SMAD2: variants seen among roughly 807,000 people sequenced by gnomAD.
SMAD2 encodes MAD homolog 2.
Under a neutral mutation model 64.4 loss-of-function variants are expected in SMAD2, and 8 were observed. That is an observed-to-expected ratio of 0.12 (90% CI 0.07 to 0.22). The LOEUF (loss-of-function observed/expected upper bound fraction) is 0.22. Ranked by LOEUF, SMAD2 falls within the 10% of genes least tolerant of loss-of-function variation. The pLI, the probability that SMAD2 is intolerant of heterozygous loss-of-function variation, is 1.00. For synonymous variants in SMAD2, 203 were observed against 195.8 expected (o/e 1.04, Z -0.31); for missense variants, 289 against 561.2 (o/e 0.51, Z 4.90).
At chr18:47,911,132 A>AGG (rs2034115523) in intron 1 of SMAD2, among the ~76,000 whole-genome samples, 1 of 151,946 alleles carries the variant, frequency 6.6e-6, no homozygotes, top group Non-Finnish European at 1.5e-5. Flanking sequence ...CGGTTGGATC[A>AGG]CGAGGTCAGG....
At chr18:47,902,547 G>C (rs2033726296) in intron 1 of SMAD2, among the ~76,000 whole-genome samples, 1 of 152,178 alleles carries the variant, frequency 6.6e-6, no homozygotes, top group Non-Finnish European at 1.5e-5. Flanking sequence ...GGAAAAAATA[G>C]AGAAACGTAG....
At chr18:47,910,428 A>G (rs911385429) in intron 1 of SMAD2, among the ~76,000 whole-genome samples, 1 of 152,250 alleles carries the variant, frequency 6.6e-6, no homozygotes, top group African/African-American at 2.4e-5. Flanking sequence ...GACTTCTTTT[A>G]TAACACAGAT....
chr18:47,871,916 A>G (rs1241002417), intron 2 of SMAD2, among the ~76,000 whole-genome samples: 2 of 152,200 alleles, frequency 1.3e-5, no homozygotes, highest in African/African-American at 2.4e-5. Flanking sequence ...ACAGGAGACT[A>G]TTCTTTGAAA....
intron 1 of SMAD2, among the ~76,000 whole-genome samples, chr18:47,901,066 A>C (rs2033664192): frequency 6.6e-6 from 1 of 152,202 alleles, no homozygotes; most frequent in South Asian, 2.1e-4. Context: ...TCTACATATG[A>C]CAATTAGATC....
chr18:47,926,197 T>G (rs1308687241), intron 1 of SMAD2, among the ~76,000 whole-genome samples: 1 of 152,206 alleles, frequency 6.6e-6, no homozygotes, highest in African/African-American at 2.4e-5. Flanking sequence ...TACTGTGATC[T>G]TTCATGAAAT....
chr18:47,917,450 T>C (rs2034380512), intron 1 of SMAD2, among the ~76,000 whole-genome samples: 1 of 152,200 alleles, frequency 6.6e-6, no homozygotes, highest in Admixed American at 6.5e-5. Flanking sequence ...TAATCTGAGA[T>C]TACATATTGG....
intron 1 of SMAD2, among the ~76,000 whole-genome samples, chr18:47,908,933 TG>T (rs1222888908): frequency 9.2e-5 from 14 of 152,334 alleles, no homozygotes; most frequent in Non-Finnish European, 5.9e-5. Flanking sequence ...ATGCTGACAG[TG>T]CTCCCAAGAA....
At chr18:47,869,491 A>G in intron 3 of SMAD2, 55 bp from the exon 4 acceptor site, 2 of 1,159,446 alleles carry the variant, frequency 1.7e-6, no homozygotes, top group Middle Eastern at 2.0e-4. Flanking sequence ...AAAAAAAAAA[A>G]AGTGCAGTCA....
At chr18:47,891,827 GAATTA>G (rs2033209319) in intron 2 of SMAD2, among the ~76,000 whole-genome samples, 1 of 151,808 alleles carries the variant, frequency 6.6e-6, no homozygotes, top group Admixed American at 6.6e-5. Context: ...AAATAGACAC[GAATTA>G]AATTGCCCAA....
At chr18:47,849,824 A>G (rs1288983491) in intron 7 of SMAD2, among the ~76,000 whole-genome samples, 1 of 151,938 alleles carries the variant, frequency 6.6e-6, no homozygotes, top group African/African-American at 2.4e-5. Context: ...CCTGGGCAAC[A>G]TAGTGAAACC....
At chr18:47,869,173 A>G in intron 4 of SMAD2, 70 bp downstream of exon 4, 1 of 1,126,606 alleles carries the variant, frequency 8.9e-7, no homozygotes, top group East Asian at 2.4e-5. Context: ...CTGGGTCACA[A>G]GAGTACTTAA....
rs1192093328 is a variant in SMAD2 at position 47,811,802 on chromosome 18, GA to G, written c.*30024del. ...CTCAGGAAAAGATGGCATCACAAGAGAATCAACCAACCTAGATCTTCTGAGC... is the reference window on the plus strand; with the variant it reads ...CTCAGGAAAAGATGGCATCACAAGAGATCAACCAACCTAGATCTTCTGAGC... On this transcript the variant is annotated 3_prime_UTR_variant, in exon 11 of 11. Transcript: ENST00000262160. 6.6e-6 allele frequency: 1 copy of G among 152,168 alleles called. No individual in the cohort carries two copies. The highest frequency in any genetic ancestry group is 2.4e-5 in the African/African-American group (1 of 41,424). 9.4% of individuals were successfully genotyped at this position (152,168 alleles called of 1,614,324 possible). A position where few individuals can be genotyped will look rare whatever the true frequency, so the allele number is the denominator to read the frequency against.
In SMAD2 at chr18:47,869,255, C is replaced by T. The variant is rs2144377558; in HGVS notation, c.508G>A (p.Val170Ile). 6.2e-7 allele frequency: 1 copy of T among 1,612,996 alleles called. No homozygotes were observed. The highest frequency in any genetic ancestry group is 1.1e-5 in the South Asian group (1 of 91,022). ...GCAATATTCCTACCTGGTGTCTCAA[C>T]TCTCTGATAGTGGTAAGGGTTTACA... ...VCVNPYHYQR[V>I]ETPVLPPVLV... The change falls in exon 4 of 11, where the codon GTT (valine) becomes ATT (isoleucine). Residue 170 changes from valine (V) to isoleucine (I), a missense_variant. Val to Ile is a conservative substitution (Grantham distance 29). Transcript: ENST00000262160.
intron 1 of SMAD2, among the ~76,000 whole-genome samples, chr18:47,907,186 G>GA (rs777431903): frequency 6.6e-6 from 1 of 152,046 alleles, no homozygotes; most frequent in Non-Finnish European, 1.5e-5. Flanking sequence ...ACACATTCAG[G>GA]AAAAATAAAT....
At chr18:47,899,526 T>C (rs1184958348) in intron 1 of SMAD2, among the ~76,000 whole-genome samples, 2 of 152,176 alleles carry the variant, frequency 1.3e-5, no homozygotes, top group African/African-American at 4.8e-5. Flanking sequence ...AACACAACTT[T>C]TAAGTGCCAA....
rs1218021084 is a variant in SMAD2 at position 47,814,486 on chromosome 18, A to AT, written c.*27340dup. On this transcript the variant is annotated 3_prime_UTR_variant, in exon 11 of 11. Coordinates refer to ENST00000262160, the MANE Select transcript of SMAD2 (RefSeq NM_005901.6). ...ATGGATAAGAGAAACTGAGAATACG[A>AT]TGTGAGAAGAGTCTCTTCATTAGGC... The AT allele has an allele frequency of 6.6e-6, 1 of 152,220 alleles. No individual in the cohort carries two copies. The highest frequency in any genetic ancestry group is 1.5e-5 in the Non-Finnish European group (1 of 68,048). The allele number at this position is 152,220 out of a possible 1,614,324, so 9.4% of individuals were successfully genotyped here.
chr18:47,848,716 A>C (rs1598752116), intron 7 of SMAD2, 29 bp from the exon 8 acceptor site: 1 of 1,481,410 alleles, frequency 6.8e-7, no homozygotes, highest in East Asian at 2.4e-5. Context: ...AAAAAATAAT[A>C]AAAGGAAGAA....
In SMAD2 at chr18:47,818,044, T is replaced by C. The variant is rs540310347; in HGVS notation, c.*23783A>G. 2.3e-4 allele frequency: 35 copies of C among 152,352 alleles called. No individual in the cohort carries two copies. Among genetic ancestry groups the C allele is most frequent in the African/African-American group, 6.5e-4 (27 of 41,564 alleles). 9.4% of individuals were successfully genotyped at this position (152,352 alleles called of 1,614,324 possible). A position where few individuals can be genotyped will look rare whatever the true frequency, so the allele number is the denominator to read the frequency against. On this transcript the variant is annotated 3_prime_UTR_variant, in exon 11 of 11. Coordinates refer to ENST00000262160, the MANE Select transcript of SMAD2 (RefSeq NM_005901.6). ...CATGTTTTTGGATCAATGACCATCA[T>C]AGAGATTGTCTATGCTTTGTCTAAA...
chr18:47,894,012 AGAGATCTCTAT>A (rs2033325360), intron 2 of SMAD2, among the ~76,000 whole-genome samples: 1 of 152,240 alleles, frequency 6.6e-6, no homozygotes, highest in African/African-American at 2.4e-5. Flanking sequence ...ATGAGCTCTC[AGAGATCTCTAT>A]CTCCAAAAGA....
Sources: allele counts gnomAD v4.1 joint callset (sites outside exome capture counted in the v4.1 genomes callset), GRCh38; gene constraint gnomAD v4.1.1; transcripts MANE v1.5; gene names NCBI Gene and HGNC (gene_info 2026-07-23, HGNC 2026-07-21).